ADAM9: variants seen among roughly 807,000 people sequenced by gnomAD.
The protein encoded by ADAM9 is ADAM metallopeptidase domain 9.
A neutral mutation model predicts 108.1 loss-of-function variants in ADAM9; 54 were observed. That is an observed-to-expected ratio of 0.50 (90% CI 0.40 to 0.63). The LOEUF is 0.63. Among genes scored for constraint, ADAM9 ranks in the 20% least tolerant of loss-of-function variants. The probability of loss-of-function intolerance (pLI) is 0.00; values close to 1 mark genes in which losing one functional copy is unlikely to be tolerated. For missense variants in ADAM9, 830 were observed against 997.7 expected, an observed-to-expected ratio of 0.83 and a Z score of 2.26; for synonymous variants, 316 against 336.0, an observed-to-expected ratio of 0.94 and a Z score of 0.65.
Position 39,045,404 on chromosome 8 carries a change from A to G in ADAM9, c.1302+3287A>G, listed in dbSNP as rs1181792939. Among the ~76,000 whole-genome samples, 35 of 146,966 alleles carry G rather than the reference A, an allele frequency of 2.4e-4. 6 individuals carry two copies. The highest frequency in any genetic ancestry group is 8.4e-4 in the African/African-American group (33 of 39,210). On this transcript the variant is annotated intron_variant, in intron 12 of 21. Coordinates refer to ENST00000487273, the MANE Select transcript of ADAM9 (RefSeq NM_003816.3). ...CCTATAGGTGTGTGTACACACACCT[A>G]TATGTGCGCGTGTGTACACACACCT...
intron 12 of ADAM9, among the ~76,000 whole-genome samples, chr8:39,045,439 C>CACACACCTATATGTGCGT (rs1564301873): frequency 2.9e-5 from 1 of 34,336 alleles, no homozygotes; most frequent in Non-Finnish European, 6.5e-5. Flanking sequence ...TATATGTGCG[C>CACACACCTATATGTGCGT]GTGTGTACAC....
At chr8:39,006,909 G>A (rs894232787) in intron 1 of ADAM9, among the ~76,000 whole-genome samples, 1 of 152,142 alleles carries the variant, frequency 6.6e-6, no homozygotes, top group East Asian at 1.9e-4. Flanking sequence ...ACATTGTTGA[G>A]TATGTATTTG....
At chr8:39,100,037 G>C (rs1161339055) in intron 20 of ADAM9, among the ~76,000 whole-genome samples, 1 of 151,720 alleles carries the variant, frequency 6.6e-6, no homozygotes, top group African/African-American at 2.4e-5. Context: ...GCGCCATCAT[G>C]CCCGGGTGAT....
At chr8:39,045,279 T>C (rs947687874) in intron 12 of ADAM9, among the ~76,000 whole-genome samples, 2 of 143,198 alleles carry the variant, frequency 1.4e-5, no homozygotes, top group African/African-American at 5.3e-5. Flanking sequence ...TACATACATA[T>C]GTATATGTGT....
At chr8:39,049,245 A>G (rs1837873880) in intron 12 of ADAM9, among the ~76,000 whole-genome samples, 1 of 151,184 alleles carries the variant, frequency 6.6e-6, no homozygotes, top group African/African-American at 2.4e-5. Flanking sequence ...ACTTCCTTCT[A>G]TAGGTATTTG....
intron 15 of ADAM9, among the ~76,000 whole-genome samples, chr8:39,074,508 A>C (rs1838793317): frequency 6.6e-6 from 1 of 151,954 alleles, no homozygotes; most frequent in Admixed American, 6.6e-5. Flanking sequence ...ATGATACTTT[A>C]CTCCTAAATT....
At chr8:39,061,890 G>A (rs566727719) in intron 14 of ADAM9, among the ~76,000 whole-genome samples, 1 of 152,084 alleles carries the variant, frequency 6.6e-6, no homozygotes, top group African/African-American at 2.4e-5. Context: ...ACCATATCTG[G>A]CTGCTCTAAC....
chr8:39,037,087 C>T (rs1350100473), intron 11 of ADAM9, among the ~76,000 whole-genome samples: 110 of 111,050 alleles, frequency 9.9e-4, no homozygotes, highest in African/African-American at 3.8e-3. Flanking sequence ...GACGGAGTCT[C>T]GCTCTGTCAC....
chr8:39,099,316 CTT>C (rs918262336), intron 20 of ADAM9, among the ~76,000 whole-genome samples: 1 of 152,132 alleles, frequency 6.6e-6, no homozygotes, highest in Non-Finnish European at 1.5e-5. Context: ...AGTTTGGACT[CTT>C]TCATACGTTC....
chr8:39,095,085 A>T (rs374876666), intron 20 of ADAM9, among the ~76,000 whole-genome samples: 4 of 152,242 alleles, frequency 2.6e-5, no homozygotes, highest in African/African-American at 9.6e-5. Flanking sequence ...TCTGTGTTGC[A>T]TACATTTTGT....
intron 20 of ADAM9, among the ~76,000 whole-genome samples, chr8:39,099,527 A>G (rs1397317152): frequency 6.6e-6 from 1 of 152,210 alleles, no homozygotes; most frequent in Non-Finnish European, 1.5e-5. Context: ...TCCCTCTTAT[A>G]AATTTACCAG....
intron 6 of ADAM9, among the ~76,000 whole-genome samples, chr8:39,017,810 C>G (rs918438527): frequency 1.3e-5 from 2 of 152,172 alleles, no homozygotes; most frequent in African/African-American, 2.4e-5. Flanking sequence ...CCAGGCTGGT[C>G]TTGAACCCCT....
At chr8:39,036,956 T>A (rs1002942850) in intron 11 of ADAM9, among the ~76,000 whole-genome samples, 2 of 152,012 alleles carry the variant, frequency 1.3e-5, no homozygotes, top group East Asian at 1.9e-4. Context: ...GATAATGAGC[T>A]TATTTAAAAA....
chr8:39,084,583 C>CT (rs1354355756), intron 18 of ADAM9, among the ~76,000 whole-genome samples: 6,148 of 143,322 alleles, frequency 0.043, 422 homozygotes, highest in African/African-American at 0.15. Context: ...GACTTGAATC[C>CT]TTTTTTTTTT....
chr8:39,064,791 GT>G (rs1222587685), intron 14 of ADAM9, among the ~76,000 whole-genome samples: 1 of 152,092 alleles, frequency 6.6e-6, no homozygotes, highest in African/African-American at 2.4e-5. Flanking sequence ...TGTGAAAATG[GT>G]TTTATTTGGA....
intron 14 of ADAM9, among the ~76,000 whole-genome samples, chr8:39,065,615 G>C (rs893264972): frequency 7.7e-6 from 1 of 129,680 alleles, no homozygotes; most frequent in Non-Finnish European, 1.5e-5. Flanking sequence ...AGCCGAGATC[G>C]CACCATTGCA....
At chr8:39,045,566 G>GTATATA (rs1302559064) in intron 12 of ADAM9, among the ~76,000 whole-genome samples, 3 of 58,352 alleles carry the variant, frequency 5.1e-5, no homozygotes, top group African/African-American at 2.2e-4. Context: ...ATATGTGTGT[G>GTATATA]TGTGTATATA....
At chr8:39,018,523 T>G (rs983501056) in intron 6 of ADAM9, 5 of 294,788 alleles carry the variant, frequency 1.7e-5, no homozygotes, top group Non-Finnish European at 2.6e-5. Flanking sequence ...AAATTGGTAA[T>G]TCTGCTTTGT....
chr8:39,077,561 A>C (rs1017056759), intron 16 of ADAM9, 150 bp downstream of exon 16: 1 of 804,294 alleles, frequency 1.2e-6, no homozygotes, highest in Non-Finnish European at 1.9e-6. Flanking sequence ...AAAGAAAATT[A>C]AGAACTATAA....
Sources: allele counts gnomAD v4.1 joint callset (sites outside exome capture counted in the v4.1 genomes callset), GRCh38; gene constraint gnomAD v4.1.1; transcripts MANE v1.5; gene names NCBI Gene and HGNC (gene_info 2026-07-23, HGNC 2026-07-21).